CC2D1B: variants seen among roughly 807,000 people sequenced by gnomAD.
The protein encoded by CC2D1B is coiled-coil and C2 domain containing 1B, also known as coiled-coil and C2 domain-containing protein 1B.
CC2D1B carries 92 observed loss-of-function variants against 110.8 expected under a neutral mutation model. That is an observed-to-expected ratio of 0.83 (90% CI 0.70 to 0.99). CC2D1B has a LOEUF of 0.99. CC2D1B is among the 50% of genes least tolerant of loss of function. The probability of loss-of-function intolerance (pLI) is 0.00; values close to 1 mark genes in which losing one functional copy is unlikely to be tolerated. For synonymous variants in CC2D1B, 406 were observed against 429.2 expected (o/e 0.95, Z 0.67); for missense variants, 1,136 against 1,089.0 (o/e 1.04, Z -0.61).
In CC2D1B at chr1:52,357,551, G is replaced by A. The variant is rs775467718; in HGVS notation, c.1727C>T (p.Ser576Phe). The change falls in exon 15 of 25, where the codon TCT becomes TTT. Residue 576 changes from serine (S) to phenylalanine (F), a missense_variant. By Grantham distance (155) the Ser-to-Phe change is radical. Transcript: ENST00000284376. ...WLEAQIIQAR[S>F]GRPVDLSKVP... ...CTTGGACAGATCAACAGGTCTGCCA[G>A]ATCGGGCCTGGATGATCTGAGCCTC... The A allele has an allele frequency of 2.5e-6, 4 of 1,580,896 alleles. No homozygotes were observed. In the African/African-American group the frequency reaches 5.4e-5, roughly 21 times the overall value.
chr1:52,356,450 T>G lies in CC2D1B; in HGVS notation c.1879-8A>C. 6.2e-7 allele frequency: 1 copy of G among 1,614,142 alleles called. No individual in the cohort carries two copies. Among genetic ancestry groups the G allele is most frequent in the Non-Finnish European group, 8.5e-7 (1 of 1,180,028 alleles). On this transcript the variant is annotated splice_region_variant and splice_polypyrimidine_tract_variant and intron_variant, in intron 16 of 24. Coordinates refer to ENST00000284376, the MANE Select transcript of CC2D1B (RefSeq NM_001330585.2). ...GGAGAACAGCAGGCACTTCTGAAAA[T>G]AGAGGCCCAGAGTGACTCCCGAGCC...
At chr1:52,362,402 ACAATGGGGAGGGGC>A (rs1333361295) in intron 3 of CC2D1B, among the ~76,000 whole-genome samples, 186 bp downstream of exon 3, 1 of 152,208 alleles carries the variant, frequency 6.6e-6, no homozygotes, top group African/African-American at 2.4e-5. Context: ...ACATTTGTCC[ACAATGGGGAGGGGC>A]CAGCCCAGGC....
rs373208893 is a variant in CC2D1B, at chr1:52,356,450, T to C, written c.1879-8A>G. ...GGAGAACAGCAGGCACTTCTGAAAA[T>C]AGAGGCCCAGAGTGACTCCCGAGCC... On this transcript the variant is annotated splice_region_variant and splice_polypyrimidine_tract_variant and intron_variant, in intron 16 of 24. Coordinates refer to ENST00000284376, the MANE Select transcript of CC2D1B (RefSeq NM_001330585.2). 52 of 1,614,024 alleles carry C rather than the reference T, an allele frequency of 3.2e-5. No individual in the cohort carries two copies. The highest frequency in any genetic ancestry group is 1.9e-4 in the African/African-American group (14 of 74,906).
At chr1:52,360,650 C>T in intron 5 of CC2D1B, 101 bp from the exon 6 acceptor site, 2 of 1,493,606 alleles carry the variant, frequency 1.3e-6, no homozygotes, top group Non-Finnish European at 1.8e-6. Flanking sequence ...TCTGGGACTC[C>T]AGGAGAAAGA....
At chr1:52,365,433 A>T (rs1646860996) in intron 1 of CC2D1B, among the ~76,000 whole-genome samples, 1 of 152,234 alleles carries the variant, frequency 6.6e-6, no homozygotes, top group Non-Finnish European at 1.5e-5. Context: ...GAAAGAGGGA[A>T]ATAGGATTCC....
In CC2D1B at chr1:52,359,457, A is replaced by T. The variant is rs1410297011; in HGVS notation, c.1018+2T>A. ...CCGCAGCCTGAGAAGATACATACTGACCCTCAGGTGCCGGGGGCATGGCAC... is the reference window on the plus strand; with the variant it reads ...CCGCAGCCTGAGAAGATACATACTGTCCCTCAGGTGCCGGGGGCATGGCAC... On this transcript the variant is annotated splice_donor_variant, in intron 9 of 24. Transcript: ENST00000284376. LOFTEE classifies it high-confidence loss of function. 1.2e-6 allele frequency: 2 copies of T among 1,613,684 alleles called. No homozygotes were observed. Among genetic ancestry groups the T allele is most frequent in the African/African-American group, 1.3e-5 (1 of 74,826 alleles).
intron 17 of CC2D1B, 37 bp downstream of exon 17, chr1:52,356,347 C>T (rs774548175): frequency 1.2e-6 from 2 of 1,613,974 alleles, no homozygotes; most frequent in South Asian, 2.2e-5. Flanking sequence ...TTTTCTGCTC[C>T]CCACCCTATG....
rs1646756353 is a variant in CC2D1B at position 52,360,490 on chromosome 1, C to G, written c.537G>C (p.Glu179Asp). 4 of 1,613,990 alleles carry G rather than the reference C, an allele frequency of 2.5e-6. No homozygotes were observed. The African/African-American group carries it at 5.3e-5, about 22-fold the overall frequency. The change falls in exon 6 of 25, where the codon GAG becomes GAC. Residue 179 changes from glutamate to aspartate, a missense_variant. By Grantham distance (45) the Glu-to-Asp change is conservative (BLOSUM62 2). Coordinates refer to ENST00000284376, the MANE Select transcript of CC2D1B (RefSeq NM_001330585.2). The stretch of plus-strand genomic sequence containing the variant: ...CTGCCTCCTTGGCACTGGCCGCAGC[C>G]TCTCGGTAGTTGTGAATCCGTTCCT... Reference protein sequence around the residue: ...LLEERIHNYREAAASAKEAGE... With the variant: ...LLEERIHNYRDAAASAKEAGE...
At chr1:52,355,082 C>T (rs1348317487) in intron 21 of CC2D1B, 143 bp from the exon 22 acceptor site, 1 of 699,286 alleles carries the variant, frequency 1.4e-6, no homozygotes, top group South Asian at 1.7e-5. Flanking sequence ...GGTAGAGCAT[C>T]GCGGTCCTGG....
chr1:52,359,333 TGA>T lies in CC2D1B; in HGVS notation c.1041_1042del (p.Gln348GlyfsTer22). On this transcript the variant is annotated frameshift_variant, in exon 10 of 25. Transcript: ENST00000284376. LOFTEE classifies it high-confidence loss of function. ...AATGACTGAGGGTGCTGTGGGAGCC[TGA>T]GAAGCCTGCTGGGGCTTCAGATCTG... 8.7e-6 allele frequency: 14 copies of T among 1,613,340 alleles called. No individual in the cohort carries two copies. Among genetic ancestry groups the T allele is most frequent in the Non-Finnish European group, 1.2e-5 (14 of 1,179,820 alleles).
chr1:52,359,802 A>C lies in CC2D1B; in HGVS notation c.845T>G (p.Leu282Arg). 1 of 1,611,542 alleles carries C rather than the reference A, an allele frequency of 6.2e-7. No individual in the cohort carries two copies. Among genetic ancestry groups the C allele is most frequent in the East Asian group, 2.2e-5 (1 of 44,792 alleles). Reference protein sequence around the residue: ...VSDLDPDPRALLSSRQREYKV... With the variant: ...VSDLDPDPRARLSSRQREYKV... Reference sequence around the variant, plus strand: ...GTACTCTCTCTGTCGGGATGACAGCAGGGCCCGCGGGTCTGGGTCTAAGTC... The same window carrying C: ...GTACTCTCTCTGTCGGGATGACAGCCGGGCCCGCGGGTCTGGGTCTAAGTC... The change falls in exon 8 of 25, where the codon CTG (leucine) becomes CGG (arginine). Residue 282 changes from leucine to arginine, a missense_variant. Leu to Arg is a moderately radical substitution (Grantham distance 102, BLOSUM62 -2). Transcript: ENST00000284376.
chr1:52,354,020 G>C (rs1242064678), intron 23 of CC2D1B: 6 of 289,722 alleles, frequency 2.1e-5, no homozygotes, highest in Non-Finnish European at 4.0e-5. Context: ...GGCAGAGTCA[G>C]CACTGGAACC....
rs1646875739 is a variant in CC2D1B at position 52,366,113 on chromosome 1, A to G, written c.-59T>C. 6.6e-6 allele frequency: 1 copy of G among 152,236 alleles called. No individual in the cohort carries two copies. Among genetic ancestry groups the G allele is most frequent in the East Asian group, 1.9e-4 (1 of 5,154 alleles). The allele number at this position is 152,236 out of a possible 1,614,324, so 9.4% of individuals were successfully genotyped here. A position where few individuals can be genotyped will look rare whatever the true frequency, so the allele number is the denominator to read the frequency against. On this transcript the variant is annotated 5_prime_UTR_variant, in exon 1 of 25. Transcript: ENST00000284376. ...AAACCCCGGCCTTGTCTCACCCGGC[A>G]CCGCCCTGGGCTCCCGCGGGCCCTG...
In CC2D1B at chr1:52,361,145, AAC is replaced by A. The variant is rs748444353; in HGVS notation, c.319-15_319-14del. 2.5e-6 allele frequency: 4 copies of A among 1,613,850 alleles called. No homozygotes were observed. The highest frequency in any genetic ancestry group is 3.4e-6 in the Non-Finnish European group (4 of 1,179,906). ...CCTGCAGCTCCGTCTAGGGAGACAA[AAC>A]ACAGCCCAGGAGCTTGGGGGCCTCA... is the stretch of plus-strand genomic sequence containing the variant. On this transcript the variant is annotated splice_polypyrimidine_tract_variant and intron_variant, in intron 4 of 24. Transcript: ENST00000284376.
Position 52,355,768 on chromosome 1 carries a change from T to C in CC2D1B, c.2128+3A>G. On this transcript the variant is annotated splice_donor_region_variant and intron_variant, in intron 19 of 24. Transcript: ENST00000284376. ...CCTGGAGTAGGGGCGGCCCTAGGGT[T>C]ACCTGGAGGGGCTGGGAGGTTCATT... 6.2e-7 allele frequency: 1 copy of C among 1,614,058 alleles called. No homozygotes were observed. The highest frequency in any genetic ancestry group is 1.1e-5 in the South Asian group (1 of 91,072).
At position 52,357,778 on chromosome 1, in the gene CC2D1B, C is replaced by A; in HGVS notation, c.1579+3G>T. 1 of 1,593,190 alleles carries A rather than the reference C, an allele frequency of 6.3e-7. No homozygotes were observed. ...TTCTTCACCCTGCTTGTCCCCAACT[C>A]ACCAGATGGACTCGGTGACTCCTTA... is the stretch of plus-strand genomic sequence containing the variant. On this transcript the variant is annotated splice_donor_region_variant and intron_variant, in intron 14 of 24. Coordinates refer to ENST00000284376, the MANE Select transcript of CC2D1B (RefSeq NM_001330585.2).
chr1:52,354,970 T>G, intron 21 of CC2D1B, 31 bp from the exon 22 acceptor site: 1 of 1,569,482 alleles, frequency 6.4e-7, no homozygotes, highest in Non-Finnish European at 8.8e-7. Context: ...AAGGAGGGGC[T>G]TGGCTCTCGG....
chr1:52,357,301 C>T (rs1455427902), intron 15 of CC2D1B, 175 bp from the exon 16 acceptor site: 1 of 938,216 alleles, frequency 1.1e-6, no homozygotes, highest in East Asian at 2.6e-5. Flanking sequence ...CATGGCCTGG[C>T]CCAGCCTTGT....
At chr1:52,357,420 C>T in intron 15 of CC2D1B, 106 bp downstream of exon 15, 1 of 1,256,490 alleles carries the variant, frequency 8.0e-7, no homozygotes, top group Non-Finnish European at 1.1e-6. Context: ...CATGCTCTGT[C>T]CAAACCCTGC....
Sources: allele counts gnomAD v4.1 joint callset (sites outside exome capture counted in the v4.1 genomes callset), GRCh38; gene constraint gnomAD v4.1.1; transcripts MANE v1.5; gene names NCBI Gene and HGNC (gene_info 2026-07-23, HGNC 2026-07-21).